Variants in ADK observed in about 807,000 individuals in gnomAD.
ADK encodes adenosine kinase.
A neutral mutation model predicts 44.7 loss-of-function variants in ADK; 24 were observed. The ratio of observed to expected loss-of-function variants is 0.54; its 90% confidence interval spans 0.39 to 0.76. ADK has a LOEUF of 0.76. ADK is among the 30% of genes least tolerant of loss of function. The pLI, the probability that ADK is intolerant of heterozygous loss-of-function variation, is 0.00. For synonymous variants in ADK, 128 were observed against 142.6 expected (o/e 0.90, Z 0.73); for missense variants, 321 against 425.1 (o/e 0.76, Z 2.15).
chr10:74,514,409 C>T (rs1330220536), intron 6 of ADK, among the ~76,000 whole-genome samples: 7 of 151,298 alleles, frequency 4.6e-5, no homozygotes, highest in South Asian at 2.1e-4. Flanking sequence ...TATTTATTTG[C>T]TTAATGGTAT....
chr10:74,177,773 G>A (rs1842396409), intron 1 of ADK, among the ~76,000 whole-genome samples: 1 of 151,902 alleles, frequency 6.6e-6, no homozygotes, highest in South Asian at 2.1e-4. Flanking sequence ...TGGTCTATGA[G>A]CTTTCCAGGC....
At chr10:74,494,753 C>T (rs1246707706) in intron 6 of ADK, among the ~76,000 whole-genome samples, 1 of 152,086 alleles carries the variant, frequency 6.6e-6, no homozygotes, top group African/African-American at 2.4e-5. Flanking sequence ...ACCTCTGCCT[C>T]CCGGGCTCAA....
intron 7 of ADK, among the ~76,000 whole-genome samples, chr10:74,543,525 G>A (rs1849723205): frequency 6.6e-6 from 1 of 152,196 alleles, no homozygotes. Flanking sequence ...TTTCTTCAGA[G>A]TAAATTCCTT....
chr10:74,553,192 T>TTTG (rs1287083066), intron 7 of ADK, among the ~76,000 whole-genome samples: 62 of 68,592 alleles, frequency 9.0e-4, no homozygotes, highest in African/African-American at 6.1e-3. Context: ...CACATTGTGT[T>TTTG]TTTTTTTTTT....
intron 1 of ADK, among the ~76,000 whole-genome samples, chr10:74,152,769 G>T (rs1841641533): frequency 6.6e-6 from 1 of 152,166 alleles, no homozygotes. Context: ...ATTAGTACAG[G>T]AACAGAAATA....
intron 6 of ADK, among the ~76,000 whole-genome samples, chr10:74,509,060 C>T (rs369894232): frequency 3.9e-5 from 6 of 152,182 alleles, no homozygotes; most frequent in African/African-American, 1.4e-4. Context: ...GAACTCCTGG[C>T]CTCACCCTAT....
Position 74,708,326 on chromosome 10 carries a change from C to T in ADK, c.970C>T (p.Leu324=). ...TTTTTTTGCCTGTGTTCTAGGTTTT[C>T]TGTCTCAACTGGTCTCTGACAAGCC... is the stretch of plus-strand genomic sequence containing the variant. The part of the protein sequence containing the change: ...GAGDAFVGGF[L]SQLVSDKPLT... Residue 324 remains leucine (L), a synonymous_variant, in exon 11 of 11, where the codon CTG becomes TTG. Coordinates refer to ENST00000539909, the MANE Select transcript of ADK (RefSeq NM_006721.4). 6.2e-7 allele frequency: 1 copy of T among 1,610,408 alleles called. No individual in the cohort carries two copies. The highest frequency in any genetic ancestry group is 8.5e-7 in the Non-Finnish European group (1 of 1,178,918).
chr10:74,540,433 T>C (rs1849588022), intron 7 of ADK, among the ~76,000 whole-genome samples: 1 of 151,958 alleles, frequency 6.6e-6, no homozygotes, highest in South Asian at 2.1e-4. Context: ...ATATTAAATA[T>C]ATATTTAATG....
chr10:74,231,954 T>C (rs1044619342), intron 3 of ADK, among the ~76,000 whole-genome samples: 24 of 151,864 alleles, frequency 1.6e-4, no homozygotes, highest in Non-Finnish European at 1.2e-4. Context: ...GCTGCTTTTT[T>C]TTGTTTGTCT....
In ADK at chr10:74,545,567, A is replaced by G. The variant is rs140053524; in HGVS notation, c.726+20141A>G. ...ATTTAAATCTATCATTTTGTCTTAT[A>G]TTCCAGAGTTGACTGGTTCCTCCTG... On this transcript the variant is annotated intron_variant, in intron 7 of 10. Transcript: ENST00000539909. Among the ~76,000 whole-genome samples, 90 of 152,318 alleles carry G rather than the reference A, an allele frequency of 5.9e-4. 2 individuals are homozygous for G. In the East Asian group the frequency reaches 0.017, roughly 29 times the overall value.
At chr10:74,429,071 T>C (rs947158910) in intron 6 of ADK, among the ~76,000 whole-genome samples, 3 of 152,260 alleles carry the variant, frequency 2.0e-5, no homozygotes, top group Admixed American at 6.5e-5. Context: ...AGGTATTTTC[T>C]GTGTTTTTAT....
At chr10:74,322,792 T>C (rs1840862065) in intron 4 of ADK, among the ~76,000 whole-genome samples, 1 of 150,360 alleles carries the variant, frequency 6.7e-6, no homozygotes, top group Non-Finnish European at 1.5e-5. Context: ...CTCCTCCTCC[T>C]CCCTTCCTCA....
chr10:74,203,951 C>CTTTTTT (rs760810639), intron 2 of ADK, among the ~76,000 whole-genome samples: 34 of 95,830 alleles, frequency 3.5e-4, no homozygotes, highest in African/African-American at 1.2e-3. Flanking sequence ...TTATTTAGGT[C>CTTTTTT]TTTTTTTTTT....
intron 9 of ADK, among the ~76,000 whole-genome samples, chr10:74,656,338 C>T (rs1177551348): frequency 6.6e-6 from 1 of 152,208 alleles, no homozygotes; most frequent in African/African-American, 2.4e-5. Context: ...GAAGATGGTA[C>T]ATCCTTGCTG....
At chr10:74,696,458 C>G (rs1025736924) in intron 10 of ADK, among the ~76,000 whole-genome samples, 1 of 151,750 alleles carries the variant, frequency 6.6e-6, no homozygotes, top group Non-Finnish European at 1.5e-5. Flanking sequence ...CTCCACCTCC[C>G]GAGTTCATGC....
chr10:74,164,537 A>G (rs1445319379), intron 1 of ADK, among the ~76,000 whole-genome samples: 1 of 152,166 alleles, frequency 6.6e-6, no homozygotes, highest in Non-Finnish European at 1.5e-5. Flanking sequence ...CTCCATCTTA[A>G]AAAAGGAAAA....
chr10:74,494,981 A>G (rs1312052268), intron 6 of ADK, among the ~76,000 whole-genome samples: 1 of 152,098 alleles, frequency 6.6e-6, no homozygotes, highest in African/African-American at 2.4e-5. Flanking sequence ...GAGAAAATTT[A>G]TTTTCTTTAG....
Position 74,450,509 on chromosome 10 carries a change from C to G in ADK, c.555+51930C>G, listed in dbSNP as rs375503369. On this transcript the variant is annotated intron_variant, in intron 6 of 10. Transcript: ENST00000539909. ...TACTGCTTGATGAATTAATTAAAAA[C>G]AGCATACAGAAGAGATCCAAATTTA... Among the ~76,000 whole-genome samples the G allele has an allele frequency of 2.6e-5, 4 of 152,228 alleles. No homozygotes were observed. In the East Asian group the frequency reaches 5.8e-4, roughly 22 times the overall value.
At chr10:74,278,893 G>C (rs969736424) in intron 3 of ADK, among the ~76,000 whole-genome samples, 36 of 152,142 alleles carry the variant, frequency 2.4e-4, no homozygotes, top group African/African-American at 8.7e-4. Flanking sequence ...TTTTATAATA[G>C]CCATTAGTTG....
Sources: allele counts gnomAD v4.1 joint callset (sites outside exome capture counted in the v4.1 genomes callset), GRCh38; gene constraint gnomAD v4.1.1; transcripts MANE v1.5; gene names NCBI Gene and HGNC (gene_info 2026-07-23, HGNC 2026-07-21).